PDCL3: variants seen among roughly 807,000 people sequenced by gnomAD.
PDCL3 encodes the protein phosducin like 3.
Under a neutral mutation model 26.5 loss-of-function variants are expected in PDCL3, and 22 were observed. The ratio of observed to expected loss-of-function variants is 0.83; its 90% CI spans 0.59 to 1.19. The LOEUF (loss-of-function observed/expected upper bound fraction) is 1.19. PDCL3 is among the 50% of genes most tolerant of loss of function. PDCL3 has a pLI of 0.00. For missense variants in PDCL3, 246 were observed against 294.1 expected (o/e 0.84, Z 1.20); for synonymous variants, 81 against 104.9 (o/e 0.77, Z 1.39).
intron 5 of PDCL3, among the ~76,000 whole-genome samples, chr2:100,573,945 T>G (rs1675228869): frequency 6.6e-6 from 1 of 152,158 alleles, no homozygotes; most frequent in Non-Finnish European, 1.5e-5. Flanking sequence ...AACAGTAACA[T>G]TAAACACTTA....
In PDCL3 at chr2:100,571,658, T is replaced by A; in HGVS notation, c.437T>A (p.Phe146Tyr). ...GLARKFPDVK[F>Y]IKAISTTCIP... ...GCCAGGAAGTTTCCTGATGTCAAAT[T>A]TATCAAAGCCATTTCAACAACCTGC... Residue 146 changes from phenylalanine to tyrosine, a missense_variant, in exon 5 of 6, where the codon TTT becomes TAT. Phe to Tyr is a conservative substitution (Grantham distance 22). Transcript: ENST00000264254. 1.2e-6 allele frequency: 2 copies of A among 1,613,466 alleles called. No homozygotes were observed. The highest frequency in any genetic ancestry group is 1.7e-6 in the Non-Finnish European group (2 of 1,179,850).
rs1675282560 is a variant in PDCL3 at position 100,576,248 on chromosome 2, C to T, written c.578-106C>T. ...TGAGCCATTGTGCTGGGCCAAATTT[C>T]GATAATTGTATTTTCTACTTAGAAA... is the stretch of plus-strand genomic sequence containing the variant. On this transcript the variant is annotated intron_variant, in intron 5 of 5. Transcript: ENST00000264254. 1.1e-5 allele frequency: 15 copies of T among 1,334,256 alleles called. No homozygotes were observed. In the East Asian group the frequency reaches 2.5e-4, roughly 22 times the overall value. 82.7% of individuals were successfully genotyped at this position (1,334,256 alleles called of 1,614,324 possible). A position where few individuals can be genotyped will look rare whatever the true frequency, so the allele number is the denominator to read the frequency against.
intron 2 of PDCL3, among the ~76,000 whole-genome samples, chr2:100,568,634 CA>C (rs1341105250): frequency 2.0e-5 from 3 of 151,550 alleles, no homozygotes; most frequent in African/African-American, 7.3e-5. Flanking sequence ...ACTCTGTCTC[CA>C]AAAAAAGGAA....
intron 5 of PDCL3, chr2:100,572,161 T>C (rs902872079): frequency 1.3e-5 from 3 of 239,314 alleles, no homozygotes. Flanking sequence ...TTTGTATTTT[T>C]CTACAGAAAC....
At chr2:100,569,212 C>G (rs1675119324) in intron 3 of PDCL3, among the ~76,000 whole-genome samples, 191 bp downstream of exon 3, 1 of 151,910 alleles carries the variant, frequency 6.6e-6, no homozygotes, top group Non-Finnish European at 1.5e-5. Context: ...GAAACCCCGT[C>G]TCTATAAATA....
intron 2 of PDCL3, 93 bp from the exon 3 acceptor site, chr2:100,568,838 A>C (rs1386537485): frequency 7.1e-6 from 7 of 986,794 alleles, no homozygotes; most frequent in Non-Finnish European, 1.1e-5. Flanking sequence ...TGTTGTGTGC[A>C]TATCTTTAGG....
chr2:100,564,659 C>T (rs1365306948), intron 1 of PDCL3, among the ~76,000 whole-genome samples: 1 of 152,160 alleles, frequency 6.6e-6, no homozygotes, highest in Non-Finnish European at 1.5e-5. Flanking sequence ...CCGATTATCC[C>T]GGTGCCCTTT....
At chr2:100,571,310 T>A (rs993052365) in intron 4 of PDCL3, among the ~76,000 whole-genome samples, 4 of 152,000 alleles carry the variant, frequency 2.6e-5, no homozygotes, top group African/African-American at 9.7e-5. Context: ...GGTCTTGAAC[T>A]GCTGACCTCA....
chr2:100,563,448 C>A (rs991705390), intron 1 of PDCL3: 6 of 189,898 alleles, frequency 3.2e-5, no homozygotes, highest in African/African-American at 9.4e-5. Context: ...AGGGTCCGGC[C>A]TGGGGTCTTC....
intron 5 of PDCL3, 67 bp downstream of exon 5, chr2:100,571,865 C>CT (rs749134725): frequency 5.7e-5 from 86 of 1,503,270 alleles, no homozygotes; most frequent in Non-Finnish European, 7.7e-5. Context: ...GAGAGAGTGT[C>CT]TATTTCCTGG....
In PDCL3 at chr2:100,569,710, T is replaced by G; in HGVS notation, c.357T>G (p.Leu119=). ...AGGGCTTGTGGGTCATCTTGCACCT[T>G]TACAAACAAGGGTGAGCTGATCTTC... The part of the protein sequence containing the change: ...AGEGLWVILH[L]YKQGIPLCAL... The change falls in exon 4 of 6, where the codon CTT becomes CTG. Residue 119 remains leucine (L), a synonymous_variant. Coordinates refer to ENST00000264254, the MANE Select transcript of PDCL3 (RefSeq NM_024065.5). The G allele has an allele frequency of 6.2e-7, 1 of 1,611,916 alleles. No individual in the cohort carries two copies.
At chr2:100,569,253 CGGCTATAG>C (rs1675120940) in intron 3 of PDCL3, among the ~76,000 whole-genome samples, 1 of 151,968 alleles carries the variant, frequency 6.6e-6, no homozygotes. Context: ...TGGTGGTGAA[CGGCTATAG>C]TTCCAGCTAC....
intron 5 of PDCL3, among the ~76,000 whole-genome samples, chr2:100,575,249 C>A (rs1573284802): frequency 6.6e-6 from 1 of 152,188 alleles, no homozygotes; most frequent in East Asian, 1.9e-4. Flanking sequence ...CATTCTCCAG[C>A]CTCAGCCTCC....
Position 100,563,017 on chromosome 2 carries a change from G to C in PDCL3, c.-51G>C. The C allele has an allele frequency of 6.3e-7, 1 of 1,582,380 alleles. No individual in the cohort carries two copies. Among genetic ancestry groups the C allele is most frequent in the Non-Finnish European group, 8.6e-7 (1 of 1,164,832 alleles). ...TGCGCGTGCACAAAAGAGAGCTGAG[G>C]GGCGGGGGCGCTGCGGCACAGCTGG... On this transcript the variant is annotated 5_prime_UTR_variant, in exon 1 of 6. Coordinates refer to ENST00000264254, the MANE Select transcript of PDCL3 (RefSeq NM_024065.5).
At chr2:100,564,449 A>G (rs1675019747) in intron 1 of PDCL3, among the ~76,000 whole-genome samples, 1 of 152,060 alleles carries the variant, frequency 6.6e-6, no homozygotes, top group Non-Finnish European at 1.5e-5. Context: ...GGCGCCCGTC[A>G]CCACTCCCGG....
chr2:100,575,264 T>C (rs943948294), intron 5 of PDCL3, among the ~76,000 whole-genome samples: 5 of 152,064 alleles, frequency 3.3e-5, no homozygotes, highest in Admixed American at 2.0e-4. Flanking sequence ...GCCTCCCGAG[T>C]AGCTGGGACT....
Position 100,568,504 on chromosome 2 carries a change from C to T in PDCL3, c.134-427C>T, listed in dbSNP as rs950761531. Among the ~76,000 whole-genome samples the T allele has an allele frequency of 2.6e-5, 4 of 152,214 alleles. No homozygotes were observed. In the South Asian group the frequency reaches 6.2e-4, roughly 24 times the overall value. On this transcript the variant is annotated intron_variant, in intron 2 of 5. Transcript: ENST00000264254. The stretch of plus-strand genomic sequence containing the variant: ...AAAATTAGCTGGGTGTGGTGGCACA[C>T]GCCTGTAATCCCAGCTACTCAGGAG...
intron 5 of PDCL3, among the ~76,000 whole-genome samples, chr2:100,574,943 A>G (rs79126459): frequency 0.03 from 4,572 of 152,224 alleles, 93 homozygotes; most frequent in Non-Finnish European, 0.047. Context: ...GTCTACAAAA[A>G]AGAAAGTAGC....
chr2:100,565,092 C>T (rs1472873711), intron 1 of PDCL3, among the ~76,000 whole-genome samples: 2 of 152,156 alleles, frequency 1.3e-5, no homozygotes, highest in Non-Finnish European at 1.5e-5. Flanking sequence ...GGCCGCTCTG[C>T]CTGGAAGATT....
Sources: allele counts gnomAD v4.1 joint callset (sites outside exome capture counted in the v4.1 genomes callset), GRCh38; gene constraint gnomAD v4.1.1; transcripts MANE v1.5; gene names NCBI Gene and HGNC (gene_info 2026-07-23, HGNC 2026-07-21).